Variants in CHMP3 observed in about 807,000 individuals in gnomAD.
CHMP3 encodes charged multivesicular body protein 3, also known as 25.1 protein.
In CHMP3, 8 loss-of-function variants were observed where a neutral mutation model predicts 27.4. The observed-to-expected ratio is 0.29, with a 90% CI of 0.17 to 0.53. The LOEUF is 0.53. CHMP3 is among the 20% of genes least tolerant of loss of function. The pLI is 0.96. For missense variants in CHMP3, 208 were observed against 271.5 expected (o/e 0.77, Z 1.64); for synonymous variants, 86 against 85.5 (o/e 1.01, Z -0.03).
At chr2:86,535,869 C>G (rs1412506347) in intron 2 of CHMP3, among the ~76,000 whole-genome samples, 1 of 152,160 alleles carries the variant, frequency 6.6e-6, no homozygotes, top group East Asian at 1.9e-4. Flanking sequence ...GTCTCTACCC[C>G]AGTTCAGTTA....
At chr2:86,542,197 T>G in intron 2 of CHMP3, 55 bp downstream of exon 2, 1 of 1,578,322 alleles carries the variant, frequency 6.3e-7, no homozygotes, top group Non-Finnish European at 8.7e-7. Context: ...TTTTATGAAC[T>G]GAAGCAAAAT....
At chr2:86,514,752 T>C (rs929980418) in intron 3 of CHMP3, among the ~76,000 whole-genome samples, 1 of 152,218 alleles carries the variant, frequency 6.6e-6, no homozygotes, top group African/African-American at 2.4e-5. Flanking sequence ...CAGAAATTCC[T>C]ATCTAAAATC....
At chr2:86,542,034 G>A (rs1263479704) in intron 2 of CHMP3, among the ~76,000 whole-genome samples, 3 of 151,888 alleles carry the variant, frequency 2.0e-5, no homozygotes, top group Non-Finnish European at 4.4e-5. Context: ...AGTAGCAAGA[G>A]GTTTCTTTTG....
In CHMP3 at chr2:86,561,014, TG is replaced by T; in HGVS notation, c.45+2289del. Among the ~76,000 whole-genome samples, 3 of 152,226 alleles carry T rather than the reference TG, an allele frequency of 2.0e-5. No homozygotes were observed. The South Asian group carries it at 6.2e-4, about 32-fold the overall frequency. ...TCATACTAGGTCCCACCTCCAACAC[TG>T]GGGATGACAATTTGACATGAGATTT... is the stretch of plus-strand genomic sequence containing the variant. On this transcript the variant is annotated intron_variant, in intron 1 of 5. Transcript: ENST00000263856.
chr2:86,554,769 A>T (rs369410345), intron 1 of CHMP3, among the ~76,000 whole-genome samples: 20 of 151,978 alleles, frequency 1.3e-4, no homozygotes, highest in African/African-American at 4.8e-4. Flanking sequence ...TGTATTACAC[A>T]AGGAAACAAT....
intron 2 of CHMP3, among the ~76,000 whole-genome samples, chr2:86,530,790 G>GTA (rs1675889714): frequency 6.6e-6 from 1 of 152,178 alleles, no homozygotes; most frequent in African/African-American, 2.4e-5. Flanking sequence ...CTCACTAACA[G>GTA]TATACAAAGT....
intron 4 of CHMP3, among the ~76,000 whole-genome samples, chr2:86,507,863 TTAA>T (rs1348422622): frequency 2.6e-5 from 4 of 152,200 alleles, no homozygotes; most frequent in African/African-American, 7.2e-5. Flanking sequence ...TAACCCAGAC[TTAA>T]TATAATGGCA....
chr2:86,525,620 C>G (rs1348269920), intron 3 of CHMP3, among the ~76,000 whole-genome samples: 1 of 151,886 alleles, frequency 6.6e-6, no homozygotes, highest in Non-Finnish European at 1.5e-5. Context: ...GGGTTTTGCT[C>G]TTTTCACACT....
At chr2:86,511,972 A>G (rs989593216) in intron 3 of CHMP3, 3 of 152,192 alleles carry the variant, frequency 2.0e-5, no homozygotes, top group African/African-American at 4.8e-5. Context: ...ATGTTGTAGG[A>G]AAAAGGGGAC....
intron 1 of CHMP3, among the ~76,000 whole-genome samples, chr2:86,554,470 T>G (rs1483221513): frequency 6.6e-6 from 1 of 152,156 alleles, no homozygotes; most frequent in African/African-American, 2.4e-5. Flanking sequence ...AGATGTTCAA[T>G]CTCACTGATA....
intron 1 of CHMP3, among the ~76,000 whole-genome samples, chr2:86,548,742 G>C (rs1450742684): frequency 2.6e-5 from 4 of 152,026 alleles, no homozygotes; most frequent in Admixed American, 2.6e-4. Context: ...GGGGTGGCCG[G>C]GCAGAGGCAC....
chr2:86,531,136 C>T (rs1017454528), intron 2 of CHMP3, among the ~76,000 whole-genome samples: 1 of 151,930 alleles, frequency 6.6e-6, no homozygotes, highest in Non-Finnish European at 1.5e-5. Context: ...CCTTTTCCTC[C>T]GTTGGTAACA....
At chr2:86,540,109 GGTTATCTTTTCGGTTTTCA>G (rs1676304816) in intron 2 of CHMP3, among the ~76,000 whole-genome samples, 1 of 151,740 alleles carries the variant, frequency 6.6e-6, no homozygotes, top group Non-Finnish European at 1.5e-5. Flanking sequence ...CTTTTTGGGG[GGTTATCTTTTCGGTTTTCA>G]GTAATCTTTT....
chr2:86,509,203 C>G (rs1674998866), intron 4 of CHMP3, among the ~76,000 whole-genome samples: 1 of 152,220 alleles, frequency 6.6e-6, no homozygotes, highest in African/African-American at 2.4e-5. Context: ...AGGCTTCCCT[C>G]TCAGATCCTG....
At chr2:86,554,727 G>A (rs371226288) in intron 1 of CHMP3, among the ~76,000 whole-genome samples, 5 of 151,636 alleles carry the variant, frequency 3.3e-5, no homozygotes, top group African/African-American at 1.2e-4. Context: ...AAATACACAA[G>A]CATACAGGTA....
At chr2:86,525,771 TAAAA>T (rs542353500) in intron 3 of CHMP3, among the ~76,000 whole-genome samples, 4 of 151,522 alleles carry the variant, frequency 2.6e-5, no homozygotes, top group African/African-American at 9.7e-5. Context: ...AAAATTAAAA[TAAAA>T]AAAAATTCTC....
chr2:86,561,589 T>TG (rs1677369660), intron 1 of CHMP3: 1 of 152,114 alleles, frequency 6.6e-6, no homozygotes, highest in Admixed American at 6.5e-5. Flanking sequence ...TTGTCCATAA[T>TG]GGGGGGAAAA....
At chr2:86,537,650 T>C (rs964666385) in intron 2 of CHMP3, among the ~76,000 whole-genome samples, 18 of 152,220 alleles carry the variant, frequency 1.2e-4, no homozygotes, top group African/African-American at 3.9e-4. Context: ...TTTTCTTTTT[T>C]GCTTTTTTAA....
At chr2:86,554,494 C>T (rs1677035055) in intron 1 of CHMP3, among the ~76,000 whole-genome samples, 1 of 152,088 alleles carries the variant, frequency 6.6e-6, no homozygotes, top group Admixed American at 6.5e-5. Context: ...AGGAAAAAGC[C>T]TGATATTCAT....
Sources: gnomAD v4.1 joint callset for allele counts (sites outside exome capture counted in the v4.1 genomes callset) on GRCh38, gnomAD v4.1.1 for gene constraint, MANE v1.5 for transcripts, NCBI Gene and HGNC (gene_info 2026-07-23, HGNC 2026-07-21) for gene names.